The following MMRN1 variants were observed in gnomAD, a reference collection of about 807,000 sequenced individuals.
The protein encoded by MMRN1 is multimerin-1.
MMRN1 carries 94 observed loss-of-function variants against 100.7 expected under a neutral mutation model. That is an observed-to-expected ratio of 0.93 (90% confidence interval 0.79 to 1.11). The LOEUF (loss-of-function observed/expected upper bound fraction) is 1.11. Ranked by LOEUF, MMRN1 falls within the 50% of genes least tolerant of loss-of-function variation. The probability of loss-of-function intolerance (pLI) is 0.00; values close to 1 mark genes in which losing one functional copy is unlikely to be tolerated. For synonymous variants in MMRN1, 575 were observed against 505.0 expected, an observed-to-expected ratio of 1.14 and a Z score of -1.86; for missense variants, 1,606 against 1,439.1, an observed-to-expected ratio of 1.12 and a Z score of -1.88.
At chr4:89,914,024 C>A (rs1721836549) in intron 3 of MMRN1, among the ~76,000 whole-genome samples, 2 of 151,350 alleles carry the variant, frequency 1.3e-5, no homozygotes, top group South Asian at 4.1e-4. Flanking sequence ...TTTTCAATGG[C>A]TGAATTTTCT....
intron 5 of MMRN1, among the ~76,000 whole-genome samples, chr4:89,933,506 G>A (rs1722505988): frequency 6.6e-6 from 1 of 152,074 alleles, no homozygotes; most frequent in Non-Finnish European, 1.5e-5. Context: ...GAAATAGCTG[G>A]GTAATTTATA....
chr4:89,942,961 G>C (rs575680514), intron 6 of MMRN1, among the ~76,000 whole-genome samples: 1 of 152,068 alleles, frequency 6.6e-6, no homozygotes, highest in African/African-American at 2.4e-5. Context: ...TTTGAAATTT[G>C]CGTGGAAATT....
intron 3 of MMRN1, among the ~76,000 whole-genome samples, chr4:89,913,533 G>A (rs1420765783): frequency 6.6e-6 from 1 of 151,242 alleles, no homozygotes; most frequent in African/African-American, 2.4e-5. Flanking sequence ...GAACATCACT[G>A]TAAATATAGA....
rs756930007 is a variant in MMRN1 at position 89,936,502 on chromosome 4, T to C, written c.2822T>C (p.Leu941Pro). ...CHNASTSVSE[L>P]NATIPKWIKH... ...AATGCTTCTACAAGTGTGTCAGAAC[T>C]GAATGCTACCATCCCTAAGTGGATA... Residue 941 changes from leucine (L) to proline (P), a missense_variant, in exon 6 of 8, where the codon CTG becomes CCG. Physicochemically the swap from Leu to Pro is moderately conservative, Grantham distance 98. Coordinates refer to ENST00000264790, the MANE Select transcript of MMRN1 (RefSeq NM_007351.3). 8.7e-6 allele frequency: 14 copies of C among 1,613,330 alleles called. No homozygotes were observed. The South Asian group carries it at 1.5e-4, about 18-fold the overall frequency.
intron 6 of MMRN1, among the ~76,000 whole-genome samples, chr4:89,944,250 C>T (rs1722920296): frequency 6.6e-6 from 1 of 152,056 alleles, no homozygotes; most frequent in Non-Finnish European, 1.5e-5. Flanking sequence ...CATCTCTAAT[C>T]TTATTTCCTT....
chr4:89,908,195 T>G (rs1721631205), intron 1 of MMRN1, among the ~76,000 whole-genome samples: 1 of 151,400 alleles, frequency 6.6e-6, no homozygotes, highest in South Asian at 2.1e-4. Context: ...CTAGATTGAA[T>G]GTGGAGCTAA....
Position 89,953,527 on chromosome 4 carries a change from C to A in MMRN1, c.*109C>A. ...TGGTTTTTCTACAGGAAATGAAAAT[C>A]AACTTGTTTTTTTAATATGAGTAAA... On this transcript the variant is annotated 3_prime_UTR_variant, in exon 8 of 8. Transcript: ENST00000264790. 2.1e-6 allele frequency: 2 copies of A among 969,642 alleles called. No homozygotes were observed. Among genetic ancestry groups the A allele is most frequent in the Non-Finnish European group, 2.9e-6 (2 of 689,768 alleles). The allele number at this position is 969,642 out of a possible 1,614,324, so 60.1% of individuals were successfully genotyped here.
At chr4:89,942,106 C>T (rs1722849668) in intron 6 of MMRN1, among the ~76,000 whole-genome samples, 1 of 152,130 alleles carries the variant, frequency 6.6e-6, no homozygotes, top group South Asian at 2.1e-4. Flanking sequence ...AAATGTCTAA[C>T]ATTTGCTCTG....
intron 1 of MMRN1, among the ~76,000 whole-genome samples, chr4:89,900,530 T>C (rs1721351013): frequency 6.6e-6 from 1 of 152,108 alleles, no homozygotes; most frequent in African/African-American, 2.4e-5. Flanking sequence ...TCACCTTTAT[T>C]TTTTTCTTTG....
At chr4:89,884,373 C>A (rs1208702932) in intron 1 of MMRN1, among the ~76,000 whole-genome samples, 1 of 151,914 alleles carries the variant, frequency 6.6e-6, no homozygotes, top group Admixed American at 6.6e-5. Flanking sequence ...AAATTTTTGG[C>A]AATATCTTGT....
chr4:89,884,716 C>T (rs909470912), intron 1 of MMRN1, among the ~76,000 whole-genome samples: 1 of 152,116 alleles, frequency 6.6e-6, no homozygotes, highest in Non-Finnish European at 1.5e-5. Flanking sequence ...CCAGCCTCAG[C>T]CTCCCAAGTA....
intron 2 of MMRN1, among the ~76,000 whole-genome samples, chr4:89,910,165 C>T (rs988816447): frequency 1.3e-5 from 2 of 151,368 alleles, no homozygotes; most frequent in Non-Finnish European, 3.0e-5. Flanking sequence ...CAAGGTGTTT[C>T]TTAGTCCCTT....
chr4:89,931,532 C>A lies in MMRN1; in HGVS notation c.1130-3278C>A, dbSNP rs566502748. ...ATAGTCATTGATTATTGTGTTAGTC[C>A]ATTTTCATATTGCTATTAAAAAAAC... On this transcript the variant is annotated intron_variant, in intron 5 of 7. Transcript: ENST00000264790. Among the ~76,000 whole-genome samples the A allele has an allele frequency of 3.3e-5, 5 of 152,102 alleles. No homozygotes were observed. In the East Asian group the frequency reaches 9.6e-4, roughly 29 times the overall value.
intron 1 of MMRN1, among the ~76,000 whole-genome samples, chr4:89,882,094 A>G (rs1720832539): frequency 6.6e-6 from 1 of 151,800 alleles, no homozygotes; most frequent in Admixed American, 6.6e-5. Flanking sequence ...TAGAATGACC[A>G]TACGTCTTTA....
At chr4:89,915,191 A>G (rs1205560101) in intron 3 of MMRN1, among the ~76,000 whole-genome samples, 1 of 151,654 alleles carries the variant, frequency 6.6e-6, no homozygotes, top group African/African-American at 2.4e-5. Context: ...TTTAAAATGC[A>G]TTCCCTGTAG....
At chr4:89,942,002 C>T (rs186836266) in intron 6 of MMRN1, among the ~76,000 whole-genome samples, 1 of 152,128 alleles carries the variant, frequency 6.6e-6, no homozygotes, top group Non-Finnish European at 1.5e-5. Context: ...AAATTGACAA[C>T]CTTTTCTGTC....
intron 3 of MMRN1, among the ~76,000 whole-genome samples, chr4:89,918,764 T>C (rs180827467): frequency 7.2e-4 from 109 of 152,018 alleles, no homozygotes; most frequent in African/African-American, 2.4e-3. Context: ...ACTTTTTCAC[T>C]ATTATTGCAC....
At chr4:89,898,554 G>A (rs931160050) in intron 1 of MMRN1, among the ~76,000 whole-genome samples, 6 of 151,728 alleles carry the variant, frequency 4.0e-5, no homozygotes, top group African/African-American at 1.5e-4. Flanking sequence ...ATACAATCTA[G>A]ATTTGTTACC....
intron 5 of MMRN1, among the ~76,000 whole-genome samples, chr4:89,933,855 T>C (rs1257564091): frequency 6.6e-6 from 1 of 152,216 alleles, no homozygotes; most frequent in Non-Finnish European, 1.5e-5. Context: ...TGGACATATC[T>C]TCCAGTTATG....
Sources: gnomAD v4.1 joint callset for allele counts (sites outside exome capture counted in the v4.1 genomes callset) on GRCh38, gnomAD v4.1.1 for gene constraint, MANE v1.5 for transcripts, NCBI Gene and HGNC (gene_info 2026-07-23, HGNC 2026-07-21) for gene names.